ATP9A: variants seen among roughly 807,000 people sequenced by gnomAD.
The protein encoded by ATP9A is probable phospholipid-transporting ATPase IIA.
ATP9A carries 52 observed loss-of-function variants against 144.1 expected under a neutral mutation model. The ratio of observed to expected loss-of-function variants is 0.36; its 90% CI spans 0.29 to 0.45. The LOEUF (loss-of-function observed/expected upper bound fraction) is 0.45, where lower values mean the gene tolerates loss of function less well. Among genes scored for constraint, ATP9A ranks in the 20% least tolerant of loss-of-function variants. The pLI, the probability that ATP9A is intolerant of heterozygous loss-of-function variation, is 1.00. For missense variants in ATP9A, 947 were observed against 1,392.7 expected, an observed-to-expected ratio of 0.68 and a Z score of 5.09; for synonymous variants, 582 against 557.4, an observed-to-expected ratio of 1.04 and a Z score of -0.62.
chr20:51,656,018 G>A (rs987926275), intron 14 of ATP9A, among the ~76,000 whole-genome samples: 2 of 152,114 alleles, frequency 1.3e-5, no homozygotes, highest in African/African-American at 2.4e-5. Flanking sequence ...AGTAAAACAG[G>A]CCAATCACAA....
chr20:51,626,317 T>C (rs1242939076), intron 17 of ATP9A, among the ~76,000 whole-genome samples: 1 of 150,026 alleles, frequency 6.7e-6, no homozygotes, highest in Non-Finnish European at 1.5e-5. Context: ...GGCAAAACCG[T>C]GTCTCTACTA....
At chr20:51,638,076 TATATATATATATATA>T (rs2077301488) in intron 15 of ATP9A, among the ~76,000 whole-genome samples, 3 of 13,738 alleles carry the variant, frequency 2.2e-4, no homozygotes, top group Non-Finnish European at 2.8e-4. Flanking sequence ...TCATTTTATA[TATATATATATATATA>T]TATATATATA....
chr20:51,670,048 G>C lies in ATP9A; in HGVS notation c.1242C>G (p.Gly414=). 6.2e-7 allele frequency: 1 copy of C among 1,614,178 alleles called. No individual in the cohort carries two copies. The highest frequency in any genetic ancestry group is 8.5e-7 in the Non-Finnish European group (1 of 1,180,028). ...TTTGTACTTCGTCCATTGAGTCGAG[G>C]CCGTAGGCTACTGTTCCGAGATGGA... ...KRLHLGTVAY[G]LDSMDEVQSH... is the part of the protein sequence containing the mutation. Residue 414 remains glycine (G), a synonymous_variant, in exon 13 of 28, where the codon GGC becomes GGG. Transcript: ENST00000338821.
At chr20:51,690,892 T>A in intron 7 of ATP9A, 73 bp from the exon 8 acceptor site, 1 of 1,210,192 alleles carries the variant, frequency 8.3e-7, no homozygotes, top group Non-Finnish European at 1.2e-6. Flanking sequence ...ATCCACTATG[T>A]TTCCAAAGCA....
chr20:51,631,449 A>G (rs2077269442), intron 15 of ATP9A, among the ~76,000 whole-genome samples: 1 of 152,158 alleles, frequency 6.6e-6, no homozygotes, highest in South Asian at 2.1e-4. Flanking sequence ...ATGTGGCTGT[A>G]GGAAATGATG....
chr20:51,634,815 A>T (rs1000263014), intron 15 of ATP9A, among the ~76,000 whole-genome samples: 1 of 143,980 alleles, frequency 6.9e-6, no homozygotes, highest in Non-Finnish European at 1.5e-5. Context: ...AGATCACGCC[A>T]TTGCACTCCA....
At chr20:51,666,056 T>C (rs2077431570) in intron 13 of ATP9A, among the ~76,000 whole-genome samples, 1 of 152,170 alleles carries the variant, frequency 6.6e-6, no homozygotes. Context: ...CAAGTACCTG[T>C]CTGATACATG....
In ATP9A at chr20:51,619,113, C is replaced by T. The variant is rs1283164934; in HGVS notation, c.2116-70G>A. On this transcript the variant is annotated intron_variant, in intron 19 of 27. Transcript: ENST00000338821. ...ATGATAGAACAACAAACAGTGGCTT[C>T]CAGGAGCCCACATGAAGACAACGGC... The T allele has an allele frequency of 2.9e-6, 4 of 1,395,726 alleles. No individual in the cohort carries two copies. The East Asian group carries it at 9.5e-5, about 33-fold the overall frequency. 86.5% of individuals were successfully genotyped at this position (1,395,726 alleles called of 1,614,324 possible). A position where few individuals can be genotyped will look rare whatever the true frequency, so the allele number is the denominator to read the frequency against.
intron 1 of ATP9A, among the ~76,000 whole-genome samples, chr20:51,764,196 T>TC (rs1225727737): frequency 6.6e-6 from 1 of 152,206 alleles, no homozygotes; most frequent in East Asian, 1.9e-4. Flanking sequence ...AAAGTTATTT[T>TC]CCCAAGATCA....
intron 17 of ATP9A, 69 bp from the exon 18 acceptor site, chr20:51,625,431 A>C (rs570081453): frequency 6.5e-7 from 1 of 1,531,014 alleles, no homozygotes; most frequent in East Asian, 2.3e-5. Context: ...GCCAGTGCCA[A>C]GAGTGGAAGG....
At chr20:51,635,580 G>A (rs1403973718) in intron 15 of ATP9A, among the ~76,000 whole-genome samples, 4 of 151,528 alleles carry the variant, frequency 2.6e-5, no homozygotes, top group African/African-American at 9.7e-5. Flanking sequence ...TTCACTAAAC[G>A]ATAAGAATTA....
At chr20:51,656,141 G>A (rs1480306438) in intron 14 of ATP9A, among the ~76,000 whole-genome samples, 1 of 151,782 alleles carries the variant, frequency 6.6e-6, no homozygotes, top group African/African-American at 2.4e-5. Flanking sequence ...AGGAAGACAA[G>A]GGAGTACAGC....
chr20:51,722,388 C>T (rs749054828), intron 3 of ATP9A, among the ~76,000 whole-genome samples: 1 of 152,200 alleles, frequency 6.6e-6, no homozygotes, highest in African/African-American at 2.4e-5. Flanking sequence ...GAGGAACAGT[C>T]AGCAGAGTAA....
chr20:51,614,425 T>C (rs115816196), intron 22 of ATP9A, among the ~76,000 whole-genome samples: 2,185 of 152,124 alleles, frequency 0.014, 54 homozygotes, highest in African/African-American at 0.05. Context: ...CTCAGCCTCC[T>C]GAGCAGCTGG....
chr20:51,653,303 G>A (rs2077374812), intron 14 of ATP9A, among the ~76,000 whole-genome samples: 1 of 151,826 alleles, frequency 6.6e-6, no homozygotes, highest in African/African-American at 2.4e-5. Flanking sequence ...CGGCCGAGAA[G>A]TGCAAAGCAT....
rs371789551 is a variant in ATP9A, at chr20:51,667,936, G to A, written c.1293+2061C>T. The stretch of plus-strand genomic sequence containing the variant: ...AGCCAGGTGTGGTGGTGCATACCCA[G>A]TGCACACTTGTAGTCCGAGCTACTT... On this transcript the variant is annotated intron_variant, in intron 13 of 27. Coordinates refer to ENST00000338821, the MANE Select transcript of ATP9A (RefSeq NM_006045.3). Among the ~76,000 whole-genome samples the A allele has an allele frequency of 1.1e-4, 17 of 151,020 alleles. 2 individuals are homozygous for A. The highest frequency in any genetic ancestry group is 3.9e-4 in the East Asian group (2 of 5,114).
intron 15 of ATP9A, among the ~76,000 whole-genome samples, chr20:51,630,320 T>C (rs2077265233): frequency 6.6e-6 from 1 of 152,196 alleles, no homozygotes; most frequent in African/African-American, 2.4e-5. Context: ...TGGCCATCAA[T>C]ACCTTGTGCC....
intron 9 of ATP9A, among the ~76,000 whole-genome samples, chr20:51,680,225 TAAAAAA>T: frequency 8.1e-6 from 1 of 123,400 alleles, no homozygotes; most frequent in Non-Finnish European, 1.6e-5. Flanking sequence ...GAGACTGTCT[TAAAAAA>T]AAAAAAAAAA....
intron 14 of ATP9A, among the ~76,000 whole-genome samples, chr20:51,652,710 G>A (rs2077371324): frequency 6.6e-6 from 1 of 152,002 alleles, no homozygotes; most frequent in African/African-American, 2.4e-5. Flanking sequence ...TATACCTTTA[G>A]TAAGATTATG....
Sources: gnomAD v4.1 joint callset for allele counts (sites outside exome capture counted in the v4.1 genomes callset) on GRCh38, gnomAD v4.1.1 for gene constraint, MANE v1.5 for transcripts, NCBI Gene and HGNC (gene_info 2026-07-23, HGNC 2026-07-21) for gene names.